Variants in TTC39B observed in about 807,000 individuals in gnomAD.
TTC39B encodes the protein tetratricopeptide repeat domain 39B, also known as tetratricopeptide repeat protein 39B.
In TTC39B, 92 loss-of-function variants were observed where a neutral mutation model predicts 96.6. The observed-to-expected ratio is 0.95, with a 90% CI of 0.80 to 1.13. TTC39B has a LOEUF of 1.13. Ranked by LOEUF, TTC39B falls within the 50% of genes most tolerant of loss-of-function variation. The pLI, the probability that TTC39B is intolerant of heterozygous loss-of-function variation, is 0.00. For synonymous variants in TTC39B, 367 were observed against 299.4 expected, an observed-to-expected ratio of 1.23 and a Z score of -2.33; for missense variants, 955 against 809.3, an observed-to-expected ratio of 1.18 and a Z score of -2.18.
rs1008169478 is a variant in TTC39B at position 15,258,837 on chromosome 9, C to T, written c.275+9077G>A. ...ATTGCACCAAAGTGTTGCTAAGGAG[C>T]TTTCCTTCAGAGGCTTTCCTTCAAG... On this transcript the variant is annotated intron_variant, in intron 2 of 19. Coordinates refer to ENST00000512701, the Ensembl canonical transcript of TTC39B. Among the ~76,000 whole-genome samples, 6 of 152,244 alleles carry T rather than the reference C, an allele frequency of 3.9e-5. No homozygotes were observed. In the South Asian group the frequency reaches 8.3e-4, roughly 21 times the overall value.
At chr9:15,180,772 G>T (rs910164079) in intron 17 of TTC39B, among the ~76,000 whole-genome samples, 4 of 152,176 alleles carry the variant, frequency 2.6e-5, no homozygotes, top group Non-Finnish European at 4.4e-5. Flanking sequence ...AGTTCAAGGT[G>T]GGAAGGAGAA....
intron 1 of TTC39B, among the ~76,000 whole-genome samples, chr9:15,304,123 C>T (rs1232764040): frequency 1.3e-5 from 2 of 152,208 alleles, no homozygotes; most frequent in African/African-American, 2.4e-5. Flanking sequence ...ATAAGCAAGC[C>T]ACAAGGCACC....
At chr9:15,233,718 C>A (rs2506762) in intron 2 of TTC39B, among the ~76,000 whole-genome samples, 43,928 of 151,650 alleles carry the variant, frequency 0.29, 6,866 homozygotes, top group African/African-American at 0.41. Flanking sequence ...ACATCCACCT[C>A]CCAGCCGCCT....
At chr9:15,170,927 C>T (rs1165872496) in exon 20 of TTC39B, 1 of 152,150 alleles carries the variant, frequency 6.6e-6, no homozygotes. Flanking sequence ...TGAAAAAGAC[C>T]TTGAAAGTCA....
intron 2 of TTC39B, among the ~76,000 whole-genome samples, chr9:15,248,241 C>A (rs544001244): frequency 3.9e-5 from 6 of 152,260 alleles, no homozygotes; most frequent in African/African-American, 1.4e-4. Flanking sequence ...TCCTCCAAAG[C>A]AGAACCATTT....
At chr9:15,184,503 A>G (rs1279704669) in intron 16 of TTC39B, among the ~76,000 whole-genome samples, 1 of 152,054 alleles carries the variant, frequency 6.6e-6, no homozygotes, top group East Asian at 1.9e-4. Flanking sequence ...TGTGCTGACT[A>G]TCTATATAAA....
At chr9:15,174,278 T>C (rs1248173417) in intron 19 of TTC39B, among the ~76,000 whole-genome samples, 1 of 152,154 alleles carries the variant, frequency 6.6e-6, no homozygotes, top group Non-Finnish European at 1.5e-5. Flanking sequence ...GTCTGACACA[T>C]AATAGGTGCT....
At chr9:15,245,793 G>C (rs554149423) in intron 2 of TTC39B, among the ~76,000 whole-genome samples, 20 of 152,108 alleles carry the variant, frequency 1.3e-4, no homozygotes, top group Non-Finnish European at 2.5e-4. Flanking sequence ...GGTCACTAAA[G>C]ACTTTCCACA....
chr9:15,262,270 T>G (rs1822974020), intron 2 of TTC39B, among the ~76,000 whole-genome samples: 1 of 152,120 alleles, frequency 6.6e-6, no homozygotes, highest in South Asian at 2.1e-4. Flanking sequence ...AGCTAATTTT[T>G]GTATTTTTAG....
chr9:15,290,791 G>T (rs539385051), intron 1 of TTC39B, among the ~76,000 whole-genome samples: 22 of 151,764 alleles, frequency 1.4e-4, no homozygotes, highest in Non-Finnish European at 2.9e-4. Flanking sequence ...TTCCCCTTCT[G>T]CCACTCTCCC....
chr9:15,204,058 T>C (rs1819701372), intron 6 of TTC39B, among the ~76,000 whole-genome samples, 168 bp from the exon 7 acceptor site: 1 of 152,214 alleles, frequency 6.6e-6, no homozygotes, highest in East Asian at 1.9e-4. Context: ...TCTCACTTTG[T>C]CAGGAAGATT....
At chr9:15,297,287 C>T (rs1824416464) in intron 1 of TTC39B, among the ~76,000 whole-genome samples, 1 of 152,344 alleles carries the variant, frequency 6.6e-6, no homozygotes, top group South Asian at 2.1e-4. Context: ...CTAGAAGACA[C>T]ATGTCAAAAA....
chr9:15,288,260 G>A (rs1824052110), intron 1 of TTC39B, among the ~76,000 whole-genome samples: 1 of 152,084 alleles, frequency 6.6e-6, no homozygotes, highest in Non-Finnish European at 1.5e-5. Flanking sequence ...TCTCAGGCCT[G>A]GAAACCCGCA....
intron 17 of TTC39B, among the ~76,000 whole-genome samples, chr9:15,178,090 C>T (rs1001906917): frequency 5.3e-5 from 8 of 151,972 alleles, no homozygotes; most frequent in African/African-American, 1.7e-4. Flanking sequence ...AGGATGGTCT[C>T]GATCTCCTGA....
intron 1 of TTC39B, among the ~76,000 whole-genome samples, chr9:15,299,134 C>T (rs566255502): frequency 6.6e-6 from 1 of 152,304 alleles, no homozygotes; most frequent in Admixed American, 6.5e-5. Flanking sequence ...GAGGCAGGAG[C>T]TGCATTTGCT....
chr9:15,220,662 G>C (rs1564360829), intron 3 of TTC39B, among the ~76,000 whole-genome samples: 1 of 152,050 alleles, frequency 6.6e-6, no homozygotes, highest in Non-Finnish European at 1.5e-5. Context: ...TGGGGAAGCA[G>C]AGTTTTTTTT....
chr9:15,289,101 C>A (rs925338210), intron 1 of TTC39B, among the ~76,000 whole-genome samples: 1 of 152,240 alleles, frequency 6.6e-6, no homozygotes, highest in African/African-American at 2.4e-5. Flanking sequence ...CATTTAGCCC[C>A]ACTGTATAAG....
chr9:15,288,309 A>G (rs1824053702), intron 1 of TTC39B, among the ~76,000 whole-genome samples: 1 of 152,168 alleles, frequency 6.6e-6, no homozygotes, highest in Non-Finnish European at 1.5e-5. Context: ...TTTGCACCCA[A>G]AAGTTATCTT....
intron 2 of TTC39B, among the ~76,000 whole-genome samples, chr9:15,230,651 G>C (rs992484135): frequency 7.9e-5 from 12 of 151,986 alleles, no homozygotes; most frequent in Non-Finnish European, 1.3e-4. Context: ...TTTGCATTTT[G>C]TGGCCATTAC....
Sources: allele counts gnomAD v4.1 joint callset (sites outside exome capture counted in the v4.1 genomes callset), GRCh38; gene constraint gnomAD v4.1.1; transcripts MANE v1.5; gene names NCBI Gene and HGNC (gene_info 2026-07-23, HGNC 2026-07-21).